NRXN2: variants seen among roughly 807,000 people sequenced by gnomAD.
NRXN2 encodes neurexin 2.
NRXN2 carries 29 observed loss-of-function variants against 128.8 expected under a neutral mutation model. The ratio of observed to expected loss-of-function variants is 0.23; its 90% CI spans 0.17 to 0.31. The LOEUF (loss-of-function observed/expected upper bound fraction) is 0.31, where lower values mean the gene tolerates loss of function less well. Ranked by LOEUF, NRXN2 falls within the 10% of genes least tolerant of loss-of-function variation. The pLI, the probability that NRXN2 is intolerant of heterozygous loss-of-function variation, is 1.00. For synonymous variants in NRXN2, 1,098 were observed against 1,075.2 expected (o/e 1.02, Z -0.41); for missense variants, 1,881 against 2,452.6 (o/e 0.77, Z 4.92).
intron 17 of NRXN2, among the ~76,000 whole-genome samples, chr11:64,641,466 A>C (rs2045655979): frequency 6.6e-6 from 1 of 151,842 alleles, no homozygotes; most frequent in Non-Finnish European, 1.5e-5. Flanking sequence ...CATGAGATGA[A>C]ATAAAATGTG....
rs1345296869 is a variant in NRXN2 at position 64,606,970 on chromosome 11, T to C, written c.*226A>G. 7.0e-6 allele frequency: 4 copies of C among 571,916 alleles called. No homozygotes were observed. Among genetic ancestry groups the C allele is most frequent in the Non-Finnish European group, 9.3e-6 (3 of 321,064 alleles). The allele number at this position is 571,916 out of a possible 1,614,324, so 35.4% of individuals were successfully genotyped here. A position where few individuals can be genotyped will look rare whatever the true frequency, so the allele number is the denominator to read the frequency against. ...GTGCCCTGCCTGGCAGGCGCAGAGC[T>C]GAGAGGGACAGTCAGCCCCGGGACT... On this transcript the variant is annotated 3_prime_UTR_variant, in exon 23 of 23. Coordinates refer to ENST00000265459, the MANE Select transcript of NRXN2 (RefSeq NM_015080.4).
chr11:64,684,666 A>G (rs764057142), intron 6 of NRXN2, among the ~76,000 whole-genome samples: 5 of 152,106 alleles, frequency 3.3e-5, no homozygotes, highest in Non-Finnish European at 5.9e-5. Flanking sequence ...GAGGAAGGGG[A>G]GGAGAAGGAG....
chr11:64,618,831 G>A (rs1018364736), intron 22 of NRXN2, among the ~76,000 whole-genome samples: 2 of 152,160 alleles, frequency 1.3e-5, no homozygotes, highest in African/African-American at 4.8e-5. Flanking sequence ...AAGGTCCCTG[G>A]GCCCAGGCCC....
At chr11:64,638,033 A>C (rs1043151611) in intron 17 of NRXN2, among the ~76,000 whole-genome samples, 3 of 152,122 alleles carry the variant, frequency 2.0e-5, no homozygotes, top group Non-Finnish European at 2.9e-5. Context: ...CAGACCCCCG[A>C]CAGGAGGCGA....
chr11:64,628,571 A>T (rs1488114145), intron 19 of NRXN2, among the ~76,000 whole-genome samples: 1 of 152,142 alleles, frequency 6.6e-6, no homozygotes, highest in Non-Finnish European at 1.5e-5. Flanking sequence ...TTCCACCCTG[A>T]CTGCTGGCCT....
chr11:64,682,448 A>T (rs2052446927), intron 6 of NRXN2, among the ~76,000 whole-genome samples: 1 of 149,302 alleles, frequency 6.7e-6, no homozygotes, highest in Non-Finnish European at 1.5e-5. Context: ...ATCCTTGGGG[A>T]CTCCATCCTC....
intron 5 of NRXN2, among the ~76,000 whole-genome samples, chr11:64,687,503 A>G (rs917084985): frequency 5.9e-5 from 9 of 152,222 alleles, no homozygotes; most frequent in African/African-American, 1.7e-4. Flanking sequence ...CTGAGGCCAC[A>G]GGGCAGCAAG....
chr11:64,689,461 C>T (rs528121541), intron 5 of NRXN2, among the ~76,000 whole-genome samples: 49 of 152,296 alleles, frequency 3.2e-4, no homozygotes, highest in African/African-American at 1.2e-3. Context: ...GAACATCAAT[C>T]AGCCCCTTAG....
At chr11:64,652,447 A>C (rs555077460) in intron 12 of NRXN2, among the ~76,000 whole-genome samples, 16 of 152,206 alleles carry the variant, frequency 1.1e-4, no homozygotes, top group Non-Finnish European at 1.9e-4. Context: ...ATGCACATAG[A>C]ATATTAAGTG....
At chr11:64,610,483 C>A (rs1270537910) in intron 22 of NRXN2, among the ~76,000 whole-genome samples, 1 of 152,150 alleles carries the variant, frequency 6.6e-6, no homozygotes, top group Non-Finnish European at 1.5e-5. Context: ...CTCCAGGAAT[C>A]TGTTGGGGCT....
Position 64,623,622 on chromosome 11 carries a change from A to T in NRXN2, c.3848-544T>A, listed in dbSNP as rs2042681307. The T allele has an allele frequency of 6.1e-6, 1 of 165,068 alleles. No homozygotes were observed. Among genetic ancestry groups the T allele is most frequent in the Non-Finnish European group, 1.3e-5 (1 of 75,248 alleles). The allele number at this position is 165,068 out of a possible 1,614,324, so 10.2% of individuals were successfully genotyped here. A position where few individuals can be genotyped will look rare whatever the true frequency, so the allele number is the denominator to read the frequency against. On this transcript the variant is annotated intron_variant, in intron 20 of 22. Coordinates refer to ENST00000265459, the MANE Select transcript of NRXN2 (RefSeq NM_015080.4). This position sits in a 1 kb window ranked among gnomAD's most constrained non-coding sequence, Gnocchi z 4.9. ...GAGAGCAGAGAAGGAGGTGAGACAG[A>T]GTGATGGTGTGTGGAAGCAGCAACC...
intron 2 of NRXN2, among the ~76,000 whole-genome samples, chr11:64,704,357 C>T (rs957717661): frequency 2.0e-5 from 3 of 151,968 alleles, no homozygotes; most frequent in Non-Finnish European, 2.9e-5. Flanking sequence ...ATCTAACACC[C>T]GGGCAATTAA....
chr11:64,676,929 A>G, intron 7 of NRXN2, 64 bp downstream of exon 7: 1 of 1,336,020 alleles, frequency 7.5e-7, no homozygotes, highest in South Asian at 1.2e-5. Context: ...CAAAAGAGGG[A>G]GAATCGAACA....
chr11:64,720,596 G>T (rs1022996078), intron 1 of NRXN2, among the ~76,000 whole-genome samples: 2 of 152,208 alleles, frequency 1.3e-5, no homozygotes, highest in Non-Finnish European at 2.9e-5. Flanking sequence ...AAGGTACAAA[G>T]ATAAGTGAGT....
intron 17 of NRXN2, chr11:64,642,533 A>T (rs371486797): frequency 1.2e-6 from 2 of 1,607,310 alleles, no homozygotes; most frequent in African/African-American, 2.7e-5. Flanking sequence ...CTACAGTGCC[A>T]CTTACCGTGG....
chr11:64,626,698 C>A, intron 19 of NRXN2, 146 bp from the exon 20 acceptor site: 1 of 731,772 alleles, frequency 1.4e-6, no homozygotes, highest in Non-Finnish European at 2.5e-6. Context: ...ACGCTGGGCC[C>A]CTCTTTTCCC....
intron 2 of NRXN2, among the ~76,000 whole-genome samples, chr11:64,704,637 G>C (rs879268466): frequency 0.079 from 11,069 of 140,234 alleles, 611 homozygotes; most frequent in East Asian, 0.26. Flanking sequence ...GAGAGAGAGA[G>C]AGAGAGAGAG....
intron 1 of NRXN2, among the ~76,000 whole-genome samples, chr11:64,720,578 C>T (rs2057408761): frequency 6.6e-6 from 1 of 152,076 alleles, no homozygotes; most frequent in African/African-American, 2.4e-5. Context: ...GTAGGAGGCC[C>T]TGCGCCGAAG....
intron 22 of NRXN2, among the ~76,000 whole-genome samples, chr11:64,610,176 C>G (rs1286970257): frequency 1.3e-5 from 2 of 152,154 alleles, no homozygotes; most frequent in Non-Finnish European, 2.9e-5. Context: ...GCTCTTCCCA[C>G]CCGACTCCAA....
Sources: gnomAD v4.1 joint callset for allele counts (sites outside exome capture counted in the v4.1 genomes callset) on GRCh38, gnomAD v4.1.1 for gene constraint, Gnocchi (gnomAD v3.1) non-coding constraint, MANE v1.5 for transcripts, NCBI Gene and HGNC (gene_info 2026-07-23, HGNC 2026-07-21) for gene names.